TAFA2: variants seen among roughly 807,000 people sequenced by gnomAD.
The protein encoded by TAFA2 is TAFA chemokine like family member 2, also known as chemokine-like protein TAFA-2.
A neutral mutation model predicts 18.8 loss-of-function variants in TAFA2; 7 were observed. The ratio of observed to expected loss-of-function variants is 0.37; its 90% confidence interval spans 0.21 to 0.70. The LOEUF (loss-of-function observed/expected upper bound fraction) is 0.70. Ranked by LOEUF, TAFA2 falls within the 30% of genes least tolerant of loss-of-function variation. The pLI is 0.53. For missense variants in TAFA2, 122 were observed against 158.1 expected (o/e 0.77, Z 1.23); for synonymous variants, 60 against 54.2 (o/e 1.11, Z -0.47).
At position 62,254,751 on chromosome 12, in the gene TAFA2, C is replaced by G. The variant is rs367939527; in HGVS notation, c.-130+4012G>C. Among the ~76,000 whole-genome samples, 4 of 152,162 alleles carry G rather than the reference C, an allele frequency of 2.6e-5. No individual in the cohort carries two copies. The East Asian group carries it at 7.7e-4, about 29-fold the overall frequency. On this transcript the variant is annotated intron_variant, in intron 1 of 5. Coordinates refer to the TAFA2 transcript ENST00000551619. ...TCCTGTTGCTTAGCAAAACCTGGAACACATTATAAAGAATACCTATTTAAT... is the reference window on the plus strand; with the variant it reads ...TCCTGTTGCTTAGCAAAACCTGGAAGACATTATAAAGAATACCTATTTAAT...
At chr12:61,741,368 T>C (rs1300536609) in intron 4 of TAFA2, among the ~76,000 whole-genome samples, 1 of 151,940 alleles carries the variant, frequency 6.6e-6, no homozygotes, top group Non-Finnish European at 1.5e-5. Flanking sequence ...CACACACATA[T>C]ATATGTGTAT....
chr12:61,904,163 C>G (rs927704667), intron 1 of TAFA2, among the ~76,000 whole-genome samples: 14 of 152,216 alleles, frequency 9.2e-5, no homozygotes, highest in Admixed American at 8.5e-4. Flanking sequence ...TCAATACACA[C>G]CAGCAGCTAG....
At chr12:61,776,162 G>T in intron 2 of TAFA2, 1 of 344,104 alleles carries the variant, frequency 2.9e-6, no homozygotes, top group Non-Finnish European at 5.6e-6. Flanking sequence ...GACAATTTAA[G>T]GGCATGATTC....
chr12:61,958,077 C>T (rs1565696056), intron 1 of TAFA2, among the ~76,000 whole-genome samples: 1 of 152,070 alleles, frequency 6.6e-6, no homozygotes, highest in Non-Finnish European at 1.5e-5. Context: ...TTCTCATATA[C>T]TCATACAAAG....
chr12:61,932,130 A>C (rs1255320224), intron 1 of TAFA2, among the ~76,000 whole-genome samples: 1 of 152,236 alleles, frequency 6.6e-6, no homozygotes, highest in Admixed American at 6.5e-5. Context: ...TCATAAATGA[A>C]AAGCAGCCAA....
At chr12:62,176,890 T>G (rs542509898) in intron 1 of TAFA2, among the ~76,000 whole-genome samples, 1 of 152,322 alleles carries the variant, frequency 6.6e-6, no homozygotes, top group East Asian at 1.9e-4. Flanking sequence ...TACTGTGTGG[T>G]TAAAAACTCA....
chr12:61,868,608 A>G (rs552877393), intron 1 of TAFA2, among the ~76,000 whole-genome samples: 29 of 152,230 alleles, frequency 1.9e-4, no homozygotes, highest in Non-Finnish European at 4.0e-4. Context: ...TCTATCTCCA[A>G]AAATGTGACT....
intron 2 of TAFA2, among the ~76,000 whole-genome samples, chr12:61,781,694 C>T (rs747566673): frequency 7.3e-5 from 11 of 151,434 alleles, no homozygotes; most frequent in East Asian, 2.0e-4. Flanking sequence ...TAGAAATACA[C>T]GATAAAAATA....
At chr12:61,971,069 C>T (rs1368440076) in intron 1 of TAFA2, among the ~76,000 whole-genome samples, 2 of 151,356 alleles carry the variant, frequency 1.3e-5, no homozygotes, top group Non-Finnish European at 1.5e-5. Flanking sequence ...TGGAAAGAAG[C>T]TGGGAGGGTA....
intron 1 of TAFA2, among the ~76,000 whole-genome samples, chr12:61,997,167 A>ATGTG (rs35419865): frequency 0.24 from 35,073 of 145,308 alleles, 4,218 homozygotes; most frequent in Admixed American, 0.3. Context: ...ATATGTATAT[A>ATGTG]TGTGTGTGTG....
intron 1 of TAFA2, among the ~76,000 whole-genome samples, chr12:61,868,104 G>T (rs968277281): frequency 1.3e-5 from 2 of 151,812 alleles, no homozygotes; most frequent in Non-Finnish European, 2.9e-5. Context: ...CATAAAACTA[G>T]AAAAAGCAAA....
intron 1 of TAFA2, among the ~76,000 whole-genome samples, chr12:62,236,252 G>GT (rs1212864371): frequency 7.4e-6 from 1 of 134,920 alleles, no homozygotes; most frequent in Non-Finnish European, 1.6e-5. Context: ...GCCTTCAAAT[G>GT]TTTTTTTTCT....
At chr12:62,218,967 A>C (rs1278888387) in intron 1 of TAFA2, among the ~76,000 whole-genome samples, 1 of 152,194 alleles carries the variant, frequency 6.6e-6, no homozygotes, top group Non-Finnish European at 1.5e-5. Flanking sequence ...GATAGAATTA[A>C]AATGACAATA....
At chr12:62,138,590 G>A (rs1455211601) in intron 1 of TAFA2, among the ~76,000 whole-genome samples, 1 of 152,152 alleles carries the variant, frequency 6.6e-6, no homozygotes, top group Non-Finnish European at 1.5e-5. Flanking sequence ...AGTCTTAATT[G>A]ACAGACCAAC....
chr12:62,054,336 A>C (rs1017717329), intron 1 of TAFA2, among the ~76,000 whole-genome samples: 1 of 152,236 alleles, frequency 6.6e-6, no homozygotes, highest in Non-Finnish European at 1.5e-5. Context: ...TTAATGTCCT[A>C]GATTCAATGT....
chr12:62,075,505 C>A (rs932068872), intron 1 of TAFA2, among the ~76,000 whole-genome samples: 2 of 152,178 alleles, frequency 1.3e-5, no homozygotes, highest in Non-Finnish European at 2.9e-5. Flanking sequence ...ACTCTCTCCC[C>A]CTTCTCACAG....
chr12:61,937,830 T>C (rs185719647), intron 1 of TAFA2, among the ~76,000 whole-genome samples: 376 of 152,108 alleles, frequency 2.5e-3, no homozygotes, highest in Non-Finnish European at 4.4e-3. Flanking sequence ...CAAAAAGCTT[T>C]TGTACAGCAA....
chr12:62,030,152 A>T (rs367660977), intron 1 of TAFA2, among the ~76,000 whole-genome samples: 5 of 152,162 alleles, frequency 3.3e-5, no homozygotes, highest in Non-Finnish European at 7.4e-5. Context: ...TCAAAGACAC[A>T]CTGGCATCCT....
chr12:61,770,204 T>TA (rs562394509), intron 2 of TAFA2, among the ~76,000 whole-genome samples: 288 of 151,858 alleles, frequency 1.9e-3, no homozygotes, highest in Non-Finnish European at 3.0e-3. Context: ...GAAAAAAGAA[T>TA]AAAAAAATTA....
Sources: gnomAD v4.1 joint callset for allele counts (sites outside exome capture counted in the v4.1 genomes callset) on GRCh38, gnomAD v4.1.1 for gene constraint, MANE v1.5 for transcripts, NCBI Gene and HGNC (gene_info 2026-07-23, HGNC 2026-07-21) for gene names.